The following TRAPPC9 variants were observed in gnomAD, a reference collection of about 807,000 sequenced individuals.
The protein encoded by TRAPPC9 is IKK2 binding protein.
A neutral mutation model predicts 124.0 loss-of-function variants in TRAPPC9; 83 were observed. The ratio of observed to expected loss-of-function variants is 0.67; its 90% CI spans 0.56 to 0.80. The LOEUF is 0.80. TRAPPC9 is among the 30% of genes least tolerant of loss of function. The pLI is 0.00. For missense variants in TRAPPC9, 1,302 were observed against 1,508.3 expected (o/e 0.86, Z 2.27); for synonymous variants, 638 against 617.5 (o/e 1.03, Z -0.49).
At chr8:139,756,079 GT>G (rs199569833) in intron 21 of TRAPPC9, among the ~76,000 whole-genome samples, 1 of 114,548 alleles carries the variant, frequency 8.7e-6, no homozygotes, top group Non-Finnish European at 1.7e-5. Context: ...AGGAGCCAGG[GT>G]TTGGGGATGA....
chr8:139,973,885 T>C (rs1028120640), intron 19 of TRAPPC9, among the ~76,000 whole-genome samples: 1 of 151,912 alleles, frequency 6.6e-6, no homozygotes, highest in Non-Finnish European at 1.5e-5. Context: ...GCCATCCCTC[T>C]CGAGTCCCTG....
At chr8:140,217,625 CAA>C (rs2063227523) in intron 17 of TRAPPC9, among the ~76,000 whole-genome samples, 1 of 152,188 alleles carries the variant, frequency 6.6e-6, no homozygotes, top group African/African-American at 2.4e-5. Context: ...ACCTGCTCCC[CAA>C]AATTCCCGGG....
intron 17 of TRAPPC9, among the ~76,000 whole-genome samples, chr8:140,197,960 G>A (rs1326245354): frequency 6.6e-6 from 1 of 152,196 alleles, no homozygotes; most frequent in Non-Finnish European, 1.5e-5. Flanking sequence ...GCAGCAAGAT[G>A]AGAAGGAAGC....
At chr8:140,120,716 C>T (rs1248917013) in intron 17 of TRAPPC9, among the ~76,000 whole-genome samples, 1 of 151,306 alleles carries the variant, frequency 6.6e-6, no homozygotes, top group African/African-American at 2.4e-5. Context: ...ATCCAACAAC[C>T]GTCCATCCAT....
chr8:140,191,827 C>T (rs1359868953), intron 17 of TRAPPC9, among the ~76,000 whole-genome samples: 4 of 152,144 alleles, frequency 2.6e-5, no homozygotes, highest in Non-Finnish European at 5.9e-5. Flanking sequence ...CAGAGGTCAC[C>T]GGCTAATACC....
chr8:139,932,687 C>T (rs557045269), intron 19 of TRAPPC9: 48 of 379,036 alleles, frequency 1.3e-4, no homozygotes, highest in Admixed American at 7.7e-4. Context: ...TTGCCTGAAC[C>T]CCAGAGGTGG....
At chr8:140,399,734 G>A (rs2069204672) in intron 6 of TRAPPC9, among the ~76,000 whole-genome samples, 1 of 152,202 alleles carries the variant, frequency 6.6e-6, no homozygotes, top group Admixed American at 6.5e-5. Context: ...GTGGACTTCT[G>A]AGTCACTGCT....
At chr8:140,425,578 GTGTACACATCTAATTCT>G (rs1564015850) in intron 5 of TRAPPC9, among the ~76,000 whole-genome samples, 82 of 152,178 alleles carry the variant, frequency 5.4e-4, no homozygotes, top group African/African-American at 2.0e-3. Flanking sequence ...CTTCTATATG[GTGTACACATCTAATTCT>G]CCTACAACTA....
At chr8:140,272,898 A>G (rs2065003059) in intron 15 of TRAPPC9, among the ~76,000 whole-genome samples, 1 of 142,374 alleles carries the variant, frequency 7.0e-6, no homozygotes, top group Admixed American at 7.0e-5. Context: ...TGGGGATGAT[A>G]CTTCAACATG....
intron 17 of TRAPPC9, among the ~76,000 whole-genome samples, chr8:140,137,827 T>C (rs1039058290): frequency 6.6e-6 from 1 of 152,262 alleles, no homozygotes; most frequent in Non-Finnish European, 1.5e-5. Context: ...AATCCATGTA[T>C]GTTTACTTTG....
At chr8:139,887,554 T>C (rs553628492) in intron 20 of TRAPPC9, among the ~76,000 whole-genome samples, 13 of 152,196 alleles carry the variant, frequency 8.5e-5, no homozygotes, top group Non-Finnish European at 1.5e-4. Flanking sequence ...TTCTTTCAAT[T>C]CTTCCCAAAT....
chr8:139,915,699 A>T (rs943413776), intron 19 of TRAPPC9, among the ~76,000 whole-genome samples: 15 of 152,322 alleles, frequency 9.8e-5, no homozygotes, highest in South Asian at 8.3e-4. Flanking sequence ...ATCAGGGCAG[A>T]GACATCTTCC....
intron 19 of TRAPPC9, among the ~76,000 whole-genome samples, chr8:139,928,580 G>T (rs956388241): frequency 6.6e-6 from 1 of 151,948 alleles, no homozygotes; most frequent in African/African-American, 2.4e-5. Flanking sequence ...CAAGGCCTTT[G>T]TGTGTACAAT....
chr8:139,795,675 G>C (rs774701238), intron 21 of TRAPPC9, among the ~76,000 whole-genome samples: 3 of 152,086 alleles, frequency 2.0e-5, no homozygotes, highest in Non-Finnish European at 4.4e-5. Context: ...AAGATAATCC[G>C]CAAACTAACC....
intron 17 of TRAPPC9, among the ~76,000 whole-genome samples, chr8:140,205,829 G>T (rs375670063): frequency 2.8e-4 from 42 of 152,242 alleles, no homozygotes; most frequent in African/African-American, 8.9e-4. Context: ...AACCATTCTT[G>T]TCCTTTCACC....
At chr8:140,196,662 C>T (rs11774905) in intron 17 of TRAPPC9, among the ~76,000 whole-genome samples, 1 of 151,888 alleles carries the variant, frequency 6.6e-6, no homozygotes, top group South Asian at 2.1e-4. Flanking sequence ...ACCTGTAACA[C>T]TAAAACACAC....
chr8:139,983,275 T>A (rs920241675), intron 19 of TRAPPC9, among the ~76,000 whole-genome samples: 2 of 152,172 alleles, frequency 1.3e-5, no homozygotes, highest in African/African-American at 2.4e-5. Flanking sequence ...AGCGTCTTGA[T>A]CTTGAACCTG....
intron 21 of TRAPPC9, among the ~76,000 whole-genome samples, chr8:139,789,784 G>C (rs1380845521): frequency 6.6e-6 from 1 of 152,154 alleles, no homozygotes; most frequent in Non-Finnish European, 1.5e-5. Flanking sequence ...GGAAAACCGA[G>C]AGAATCATGT....
chr8:140,133,292 T>C (rs756283750), intron 17 of TRAPPC9, among the ~76,000 whole-genome samples: 1 of 152,236 alleles, frequency 6.6e-6, no homozygotes, highest in Non-Finnish European at 1.5e-5. Flanking sequence ...CATATTAATA[T>C]AATGGAAAAG....
Sources: gnomAD v4.1 joint callset for allele counts (sites outside exome capture counted in the v4.1 genomes callset) on GRCh38, gnomAD v4.1.1 for gene constraint, MANE v1.5 for transcripts, NCBI Gene and HGNC (gene_info 2026-07-23, HGNC 2026-07-21) for gene names.